PRKN: variants seen among roughly 807,000 people sequenced by gnomAD.
PRKN encodes the protein parkin RBR E3 ubiquitin protein ligase, also known as E3 ubiquitin-protein ligase parkin.
PRKN carries 56 observed loss-of-function variants against 59.5 expected under a neutral mutation model. That is an observed-to-expected ratio of 0.94 (90% CI 0.76 to 1.18). The LOEUF is 1.18. PRKN is among the 50% of genes most tolerant of loss of function. PRKN has a pLI of 0.00. For missense variants in PRKN, 657 were observed against 596.4 expected (o/e 1.10, Z -1.06); for synonymous variants, 250 against 222.1 (o/e 1.13, Z -1.12).
intron 7 of PRKN, among the ~76,000 whole-genome samples, chr6:161,758,926 C>T (rs1311041585): frequency 6.6e-6 from 1 of 152,172 alleles, no homozygotes; most frequent in East Asian, 1.9e-4. Flanking sequence ...TGCCTGTAAT[C>T]CTAGCACTTT....
At chr6:162,640,221 G>T (rs1777908553) in intron 1 of PRKN, among the ~76,000 whole-genome samples, 1 of 152,062 alleles carries the variant, frequency 6.6e-6, no homozygotes, top group African/African-American at 2.4e-5. Context: ...TTCCAACTAA[G>T]AACTTGCTCT....
intron 5 of PRKN, among the ~76,000 whole-genome samples, chr6:162,048,826 T>A (rs1777499315): frequency 6.6e-6 from 1 of 151,872 alleles, no homozygotes; most frequent in Non-Finnish European, 1.5e-5. Flanking sequence ...ACAAGCTTGG[T>A]TTAAGGTATC....
intron 7 of PRKN, among the ~76,000 whole-genome samples, chr6:161,652,853 T>C (rs1784199598): frequency 6.6e-6 from 1 of 152,114 alleles, no homozygotes; most frequent in Admixed American, 6.6e-5. Context: ...GAGCCCCAGG[T>C]GATGTAAAGT....
intron 2 of PRKN, among the ~76,000 whole-genome samples, chr6:162,279,900 TG>T (rs1562636561): frequency 6.6e-6 from 1 of 152,236 alleles, no homozygotes; most frequent in Non-Finnish European, 1.5e-5. Flanking sequence ...CTCTTCTTGT[TG>T]TATTGATCCC....
chr6:162,631,817 T>C (rs1211292266), intron 1 of PRKN, among the ~76,000 whole-genome samples: 1 of 152,046 alleles, frequency 6.6e-6, no homozygotes, highest in African/African-American at 2.4e-5. Context: ...ATTATGATAG[T>C]TTGAGGTTTT....
At chr6:162,087,927 T>C (rs1779321682) in intron 4 of PRKN, among the ~76,000 whole-genome samples, 1 of 152,140 alleles carries the variant, frequency 6.6e-6, no homozygotes, top group South Asian at 2.1e-4. Context: ...AAATAGAGTA[T>C]GCACAGCGTG....
intron 1 of PRKN, among the ~76,000 whole-genome samples, chr6:162,609,369 A>AT (rs1782046870): frequency 6.6e-6 from 1 of 152,242 alleles, no homozygotes; most frequent in Non-Finnish European, 1.5e-5. Flanking sequence ...ACTCAAAAAT[A>AT]TTTTTATAAA....
chr6:161,572,884 G>T (rs1283940816), intron 7 of PRKN, among the ~76,000 whole-genome samples: 1 of 152,092 alleles, frequency 6.6e-6, no homozygotes, highest in Non-Finnish European at 1.5e-5. Flanking sequence ...TTGCTATTCT[G>T]ATGATTACCT....
At chr6:161,783,222 G>C (rs892364815) in intron 7 of PRKN, among the ~76,000 whole-genome samples, 3 of 151,906 alleles carry the variant, frequency 2.0e-5, no homozygotes, top group Admixed American at 2.0e-4. Context: ...TGAAAATTTG[G>C]TAACACTGGA....
At position 162,097,214 on chromosome 6, in the gene PRKN, T is replaced by C. The variant is rs377299027; in HGVS notation, c.535-43040A>G. On this transcript the variant is annotated intron_variant, in intron 4 of 11. Coordinates refer to ENST00000366898, the MANE Select transcript of PRKN (RefSeq NM_004562.3). ...TAACATGAAAAGAGCACGTATAGTA[T>C]GATTTTTTTTAGGAAAAAAGTTAAA... Among the ~76,000 whole-genome samples, 6 of 152,306 alleles carry C rather than the reference T, an allele frequency of 3.9e-5. No individual in the cohort carries two copies. In the South Asian group the frequency reaches 1.2e-3, roughly 32 times the overall value.
intron 2 of PRKN, among the ~76,000 whole-genome samples, chr6:162,266,170 C>G (rs1178686532): frequency 6.6e-6 from 1 of 152,130 alleles, no homozygotes; most frequent in Non-Finnish European, 1.5e-5. Flanking sequence ...ATGTTCAGGA[C>G]TCAGTTACTT....
At chr6:161,847,386 T>C (rs1351722777) in intron 6 of PRKN, among the ~76,000 whole-genome samples, 1 of 152,132 alleles carries the variant, frequency 6.6e-6, no homozygotes, top group Non-Finnish European at 1.5e-5. Context: ...CTACCGATTT[T>C]CTCTAAGGAG....
chr6:162,633,137 T>TAA (rs1052270667), intron 1 of PRKN, among the ~76,000 whole-genome samples: 1 of 147,538 alleles, frequency 6.8e-6, no homozygotes. Context: ...GCTAAACCTT[T>TAA]AAAAAAAAAA....
chr6:162,196,688 A>C (rs1375994965), intron 4 of PRKN, among the ~76,000 whole-genome samples: 1 of 152,218 alleles, frequency 6.6e-6, no homozygotes, highest in Non-Finnish European at 1.5e-5. Flanking sequence ...GGTCAGGTGA[A>C]AACTTCAGAC....
intron 1 of PRKN, among the ~76,000 whole-genome samples, chr6:162,463,099 A>G (rs1213030032): frequency 1.3e-5 from 2 of 151,860 alleles, no homozygotes; most frequent in Admixed American, 6.6e-5. Flanking sequence ...AAAAACGAAA[A>G]AAAAACCACG....
intron 1 of PRKN, among the ~76,000 whole-genome samples, chr6:162,466,083 C>G (rs1338329874): frequency 6.6e-6 from 1 of 152,058 alleles, no homozygotes; most frequent in Non-Finnish European, 1.5e-5. Flanking sequence ...ATGTTTATAA[C>G]AGAAGTTAAT....
intron 2 of PRKN, among the ~76,000 whole-genome samples, chr6:162,293,694 G>A (rs552822855): frequency 8.5e-5 from 13 of 152,338 alleles, no homozygotes; most frequent in African/African-American, 2.6e-4. Context: ...GCTGTCAGGA[G>A]GAATGTGAAT....
At chr6:161,977,536 TTTTTGG>T (rs1481477795) in intron 5 of PRKN, among the ~76,000 whole-genome samples, 6,727 of 103,890 alleles carry the variant, frequency 0.065, 273 homozygotes, top group Middle Eastern at 0.077. Flanking sequence ...ACTTTCTGTT[TTTTTGG>T]TTTTTTTTTT....
chr6:162,560,045 T>C (rs992441930), intron 1 of PRKN, among the ~76,000 whole-genome samples: 1 of 152,204 alleles, frequency 6.6e-6, no homozygotes, highest in African/African-American at 2.4e-5. Context: ...TTTTTCTATT[T>C]ATATGTATTT....
Sources: allele counts gnomAD v4.1 joint callset (sites outside exome capture counted in the v4.1 genomes callset), GRCh38; gene constraint gnomAD v4.1.1; transcripts MANE v1.5; gene names NCBI Gene and HGNC (gene_info 2026-07-23, HGNC 2026-07-21).